Variants in DGCR2 observed in about 807,000 individuals in gnomAD.
The protein encoded by DGCR2 is integral membrane protein DGCR2/IDD.
Under a neutral mutation model 51.6 loss-of-function variants are expected in DGCR2, and 24 were observed. That is an observed-to-expected ratio of 0.47 (90% CI 0.34 to 0.65). The LOEUF (loss-of-function observed/expected upper bound fraction) is 0.65. DGCR2 is among the 30% of genes least tolerant of loss of function. DGCR2 has a pLI of 0.01. For synonymous variants in DGCR2, 340 were observed against 315.4 expected (o/e 1.08, Z -0.82); for missense variants, 765 against 772.1 (o/e 0.99, Z 0.11).
chr22:19,044,048 G>A (rs1376719222), intron 7 of DGCR2, among the ~76,000 whole-genome samples: 2 of 152,222 alleles, frequency 1.3e-5, no homozygotes. Flanking sequence ...CCAGTTCAGA[G>A]ATCCCAGGGG....
intron 5 of DGCR2, chr22:19,061,072 A>T (rs2082657624): frequency 4.3e-6 from 1 of 234,358 alleles, no homozygotes; most frequent in Non-Finnish European, 8.8e-6. Context: ...CAGGTACAAT[A>T]TTTTCTTAGG....
At chr22:19,071,482 A>T (rs1022600297) in intron 2 of DGCR2, among the ~76,000 whole-genome samples, 3 of 146,304 alleles carry the variant, frequency 2.1e-5, no homozygotes, top group African/African-American at 7.5e-5. Context: ...ATTGCTACCT[A>T]AAAAAAAAAA....
chr22:19,085,105 G>A (rs1205159041), intron 2 of DGCR2, among the ~76,000 whole-genome samples: 60 of 137,542 alleles, frequency 4.4e-4, no homozygotes, highest in African/African-American at 3.7e-4. Flanking sequence ...TCCTGCCTTG[G>A]AAAAAAAAAA....
At chr22:19,047,879 A>G (rs2082506906) in intron 7 of DGCR2, 1 of 158,386 alleles carries the variant, frequency 6.3e-6, no homozygotes, top group Non-Finnish European at 1.4e-5. Flanking sequence ...GAACAGGAAG[A>G]GCTCCAATGT....
intron 3 of DGCR2, 41 bp downstream of exon 3, chr22:19,068,059 G>C: frequency 6.6e-7 from 1 of 1,511,406 alleles, no homozygotes; most frequent in African/African-American, 1.4e-5. Flanking sequence ...TGTCAGGCTT[G>C]CACTCCCCAG....
At position 19,062,807 on chromosome 22, in the gene DGCR2, T is replaced by TCTCTCTCTCTCTCTCTC. The variant is rs397967453; in HGVS notation, c.625+394_625+395insGAGAGAGAGAGAGAGAG. On this transcript the variant is annotated intron_variant, in intron 5 of 9. Transcript: ENST00000263196. Reference sequence around the variant, plus strand: ...CTCTCTCTCTCTCTCTCTCTCTCTCTATCTGCCTGATAGTTTCCTTCAGGT... The same window carrying TCTCTCTCTCTCTCTCTC: ...CTCTCTCTCTCTCTCTCTCTCTCTCTCTCTCTCTCTCTCTCTCATCTGCCTGATAGTTTCCTTCAGGT... Among the ~76,000 whole-genome samples, 5 of 146,990 alleles carry TCTCTCTCTCTCTCTCTC rather than the reference T, an allele frequency of 3.4e-5. 1 individual carries two copies. The highest frequency in any genetic ancestry group is 7.7e-5 in the Non-Finnish European group (5 of 64,610).
At position 19,041,237 on chromosome 22, in the gene DGCR2, A is replaced by C; in HGVS notation, c.1217T>G (p.Phe406Cys). The C allele has an allele frequency of 6.2e-7, 1 of 1,614,116 alleles. No individual in the cohort carries two copies. Among genetic ancestry groups the C allele is most frequent in the Non-Finnish European group, 8.5e-7 (1 of 1,180,000 alleles). The change falls in exon 9 of 10, where the codon TTT (phenylalanine) becomes TGT (cysteine). Residue 406 changes from phenylalanine to cysteine, a missense_variant. Physicochemically the swap from Phe to Cys is radical, Grantham distance 205. Around this residue, in one of 3 missense-constraint regions of DGCR2, gnomAD observed 190 missense variants for 265.2 expected, o/e 0.72. Transcript: ENST00000263196. Reference sequence around the variant, plus strand: ...ATGCAGCGGCGTGAGGCCCGTGCCAAACCCGTCTGGGCCGTAATCAAAGCC... The same window carrying C: ...ATGCAGCGGCGTGAGGCCCGTGCCACACCCGTCTGGGCCGTAATCAAAGCC... ...IPGFDYGPDG[F>C]GTGLTPLHLS...
chr22:19,060,757 T>C (rs1396365584), intron 5 of DGCR2: 1 of 403,140 alleles, frequency 2.5e-6, no homozygotes, highest in Non-Finnish European at 4.9e-6. Context: ...CATGACCTGG[T>C]GCTGTCAAAC....
At chr22:19,088,761 A>G (rs2083045341) in intron 2 of DGCR2, among the ~76,000 whole-genome samples, 1 of 152,194 alleles carries the variant, frequency 6.6e-6, no homozygotes, top group Non-Finnish European at 1.5e-5. Flanking sequence ...AAAGTTGAGA[A>G]CAACGGATCC....
intron 1 of DGCR2, among the ~76,000 whole-genome samples, chr22:19,098,101 CAA>C (rs1462093784): frequency 6.6e-6 from 1 of 152,046 alleles, no homozygotes; most frequent in Non-Finnish European, 1.5e-5. Context: ...AAATAGTTAT[CAA>C]AAGAGGAAAA....
chr22:19,062,781 T>TCTCCTCTCTCTCTC (rs2082689732), intron 5 of DGCR2, among the ~76,000 whole-genome samples: 1 of 135,776 alleles, frequency 7.4e-6, no homozygotes, highest in Non-Finnish European at 1.6e-5. Context: ...GCATGCTCAC[T>TCTCCTCTCTCTCTC]CTCTCTCTCT....
chr22:19,076,543 CAG>C (rs879317112), intron 2 of DGCR2, among the ~76,000 whole-genome samples: 19 of 152,246 alleles, frequency 1.2e-4, no homozygotes, highest in African/African-American at 4.6e-4. Flanking sequence ...AACAACACCG[CAG>C]AGGGATTCCA....
chr22:19,087,074 G>A (rs769800967), intron 2 of DGCR2, among the ~76,000 whole-genome samples: 15 of 152,206 alleles, frequency 9.9e-5, no homozygotes, highest in Non-Finnish European at 1.6e-4. Context: ...CAAGAGGCTG[G>A]ATATAAGGTC....
chr22:19,049,805 C>A (rs949389672), intron 6 of DGCR2, among the ~76,000 whole-genome samples: 2 of 139,726 alleles, frequency 1.4e-5, no homozygotes, highest in African/African-American at 2.8e-5. Context: ...CCAGCCTGGG[C>A]GACAGCATGA....
intron 2 of DGCR2, among the ~76,000 whole-genome samples, chr22:19,082,218 ATTTCT>A (rs2082946712): frequency 1.4e-5 from 1 of 70,830 alleles, no homozygotes; most frequent in African/African-American, 5.5e-5. Flanking sequence ...CTGGCTAATT[ATTTCT>A]TTTTTTTTTT....
At chr22:19,093,549 AC>A (rs1216708679) in intron 1 of DGCR2, among the ~76,000 whole-genome samples, 2 of 152,216 alleles carry the variant, frequency 1.3e-5, no homozygotes, top group Non-Finnish European at 2.9e-5. Context: ...AAAATTGAGA[AC>A]TTTTGTTTTT....
At chr22:19,077,630 T>C (rs1252985315) in intron 2 of DGCR2, among the ~76,000 whole-genome samples, 4 of 152,208 alleles carry the variant, frequency 2.6e-5, no homozygotes, top group Admixed American at 1.3e-4. Context: ...GAGGATTTCA[T>C]ATTTCTTCTT....
chr22:19,060,043 G>T (rs975564176), intron 5 of DGCR2, among the ~76,000 whole-genome samples: 1 of 152,146 alleles, frequency 6.6e-6, no homozygotes, highest in East Asian at 1.9e-4. Flanking sequence ...GCTCCCGAAT[G>T]CCCCACCACG....
chr22:19,047,957 T>C (rs1367401083), intron 7 of DGCR2: 1 of 181,142 alleles, frequency 5.5e-6, no homozygotes, highest in Non-Finnish European at 1.2e-5. Context: ...TTTGGGAAGC[T>C]GAGGTGGGTG....
Sources: gnomAD v4.1 joint callset for allele counts (sites outside exome capture counted in the v4.1 genomes callset) on GRCh38, gnomAD v4.1.1 for gene constraint, gnomAD v4.1.1 regional missense constraint, MANE v1.5 for transcripts, NCBI Gene and HGNC (gene_info 2026-07-23, HGNC 2026-07-21) for gene names.